Variants in NCOA2 observed in about 807,000 individuals in gnomAD.
NCOA2 encodes nuclear receptor coactivator 2, also known as class E basic helix-loop-helix protein 75.
Under a neutral mutation model 145.1 loss-of-function variants are expected in NCOA2, and 21 were observed. That is an observed-to-expected ratio of 0.14 (90% confidence interval 0.10 to 0.21). The LOEUF is 0.21. NCOA2 is among the 10% of genes least tolerant of loss of function. NCOA2 has a pLI of 1.00. For missense variants in NCOA2, 1,472 were observed against 1,837.6 expected (o/e 0.80, Z 3.64); for synonymous variants, 619 against 637.5 (o/e 0.97, Z 0.44).
chr8:70,198,696 T>C (rs1364997302), intron 4 of NCOA2, among the ~76,000 whole-genome samples: 2 of 151,964 alleles, frequency 1.3e-5, no homozygotes, highest in African/African-American at 2.4e-5. Flanking sequence ...TGGCTGATTG[T>C]GGGGAAGGAA....
chr8:70,307,220 CAAAAAAA>C (rs57161747), intron 1 of NCOA2, among the ~76,000 whole-genome samples: 32 of 71,632 alleles, frequency 4.5e-4, no homozygotes, highest in African/African-American at 1.0e-3. Flanking sequence ...CCTACATAAG[CAAAAAAA>C]AAAAAAAAAA....
At chr8:70,286,213 G>A (rs762061577) in intron 2 of NCOA2, among the ~76,000 whole-genome samples, 5 of 152,124 alleles carry the variant, frequency 3.3e-5, no homozygotes, top group Non-Finnish European at 7.4e-5. Flanking sequence ...AGGAGTTCAA[G>A]ATCAGCCTGG....
At position 70,345,984 on chromosome 8, in the gene NCOA2, T is replaced by C. The variant is rs572526322; in HGVS notation, c.-76-49184A>G. Among the ~76,000 whole-genome samples, 3 of 152,300 alleles carry C rather than the reference T, an allele frequency of 2.0e-5. No individual in the cohort carries two copies. In the East Asian group the frequency reaches 5.8e-4, roughly 29 times the overall value. ...ATTGTTGTAGTCTCACGAAATGACCTTTCCAGGCCTTGTCAGGGAGCTGTC... is the reference window on the plus strand; with the variant it reads ...ATTGTTGTAGTCTCACGAAATGACCCTTCCAGGCCTTGTCAGGGAGCTGTC... On this transcript the variant is annotated intron_variant, in intron 1 of 22. Coordinates refer to ENST00000452400, the MANE Select transcript of NCOA2 (RefSeq NM_006540.4).
the NCOA2 span, among the ~76,000 whole-genome samples, chr8:70,450,573 C>CTTTT: frequency 7.8e-4 from 74 of 94,618 alleles, no homozygotes; most frequent in Admixed American, 1.1e-3. Flanking sequence ...TCTTTTTATT[C>CTTTT]TTTTTTTTTT....
At position 70,153,899 on chromosome 8, in the gene NCOA2, C is replaced by T. The variant is rs537488124; in HGVS notation, c.2394+2072G>A. Among the ~76,000 whole-genome samples the T allele has an allele frequency of 5.9e-5, 9 of 152,302 alleles. No individual in the cohort carries two copies. In the South Asian group the frequency reaches 6.2e-4, roughly 11 times the overall value. ...CCAAGACGTTTATATAATTTGGCTC[C>T]GCTTCCCTTGTGAAGGACATGAAGG... is the stretch of plus-strand genomic sequence containing the variant. On this transcript the variant is annotated intron_variant, in intron 11 of 22. Transcript: ENST00000452400.
chr8:70,273,304 G>A (rs1825199880), intron 2 of NCOA2: 1 of 269,192 alleles, frequency 3.7e-6, no homozygotes, highest in African/African-American at 2.2e-5. Flanking sequence ...CCTAATCTCA[G>A]CTGGTTCCCC....
chr8:70,451,025 G>A, the NCOA2 span, among the ~76,000 whole-genome samples: 1 of 150,066 alleles, frequency 6.7e-6, no homozygotes, highest in African/African-American at 2.4e-5. Flanking sequence ...AGAACAGTCT[G>A]GGTAACATGG....
At chr8:70,425,815 C>T in the NCOA2 span, among the ~76,000 whole-genome samples, 1 of 152,126 alleles carries the variant, frequency 6.6e-6, no homozygotes, top group Non-Finnish European at 1.5e-5. Flanking sequence ...CTGCACTGCC[C>T]ATGCCTGGTG....
chr8:70,231,884 C>T (rs1347679873), intron 2 of NCOA2, among the ~76,000 whole-genome samples: 1 of 152,146 alleles, frequency 6.6e-6, no homozygotes, highest in Admixed American at 6.5e-5. Flanking sequence ...GCTTAATCCC[C>T]CACAGTTACT....
intron 1 of NCOA2, among the ~76,000 whole-genome samples, chr8:70,360,468 G>C (rs1043885612): frequency 6.6e-6 from 1 of 152,014 alleles, no homozygotes; most frequent in Non-Finnish European, 1.5e-5. Context: ...ATATTTAAAG[G>C]GTAGTTAATT....
At chr8:70,402,846 G>A (rs1377751825) in intron 1 of NCOA2, among the ~76,000 whole-genome samples, 1 of 148,002 alleles carries the variant, frequency 6.8e-6, no homozygotes, top group Non-Finnish European at 1.5e-5. Flanking sequence ...TCAGGGGCGA[G>A]CCCGGCTCGG....
intron 2 of NCOA2, among the ~76,000 whole-genome samples, chr8:70,250,848 G>A (rs897562454): frequency 6.6e-6 from 1 of 152,134 alleles, no homozygotes; most frequent in African/African-American, 2.4e-5. Context: ...AAACCCATTA[G>A]CATTGTAATT....
chr8:70,380,874 A>G (rs757821314), intron 1 of NCOA2, among the ~76,000 whole-genome samples: 1 of 152,144 alleles, frequency 6.6e-6, no homozygotes, highest in African/African-American at 2.4e-5. Flanking sequence ...CAGGAGTTCA[A>G]GATCAGCTTG....
At chr8:70,378,321 C>G (rs553390330) in intron 1 of NCOA2, among the ~76,000 whole-genome samples, 2 of 151,918 alleles carry the variant, frequency 1.3e-5, no homozygotes, top group African/African-American at 2.4e-5. Context: ...TATTTTAAAT[C>G]TTTTATATAC....
chr8:70,224,034 A>G (rs1820392457), intron 2 of NCOA2, among the ~76,000 whole-genome samples: 1 of 152,224 alleles, frequency 6.6e-6, no homozygotes, highest in African/African-American at 2.4e-5. Flanking sequence ...AGAATCATGT[A>G]TCCATTTATT....
chr8:70,269,396 A>G (rs533278811), intron 2 of NCOA2, among the ~76,000 whole-genome samples: 111 of 152,188 alleles, frequency 7.3e-4, no homozygotes, highest in East Asian at 1.4e-3. Flanking sequence ...AGGGGTTCAA[A>G]TCTGGGATAA....
intron 2 of NCOA2, among the ~76,000 whole-genome samples, chr8:70,281,567 A>G (rs190715677): frequency 6.6e-6 from 1 of 152,078 alleles, no homozygotes; most frequent in Non-Finnish European, 1.5e-5. Context: ...AAAAGCCTCT[A>G]AACTAGGAAA....
intron 2 of NCOA2, among the ~76,000 whole-genome samples, chr8:70,254,513 G>T (rs1243213280): frequency 6.6e-6 from 1 of 152,146 alleles, no homozygotes; most frequent in Admixed American, 6.6e-5. Context: ...ACACAATACA[G>T]TATTATTCAG....
intron 4 of NCOA2, among the ~76,000 whole-genome samples, chr8:70,192,414 G>C (rs577627432): frequency 6.6e-6 from 1 of 152,236 alleles, no homozygotes; most frequent in Non-Finnish European, 1.5e-5. Flanking sequence ...AACTTTGCCA[G>C]AGTCTTAGAA....
Sources: gnomAD v4.1 joint callset for allele counts (sites outside exome capture counted in the v4.1 genomes callset) on GRCh38, gnomAD v4.1.1 for gene constraint, MANE v1.5 for transcripts, NCBI Gene and HGNC (gene_info 2026-07-23, HGNC 2026-07-21) for gene names.